The following ATP11B variants were observed in gnomAD, a reference collection of about 807,000 sequenced individuals.
The protein encoded by ATP11B is phospholipid-transporting ATPase IF.
In ATP11B, 81 loss-of-function variants were observed where a neutral mutation model predicts 157.8. The observed-to-expected ratio is 0.51, with a 90% confidence interval of 0.43 to 0.62. The LOEUF is 0.62. Among genes scored for constraint, ATP11B ranks in the 20% least tolerant of loss-of-function variants. The probability of loss-of-function intolerance (pLI) is 0.00; values close to 1 mark genes in which losing one functional copy is unlikely to be tolerated. For synonymous variants in ATP11B, 451 were observed against 469.4 expected (o/e 0.96, Z 0.51); for missense variants, 1,165 against 1,402.2 (o/e 0.83, Z 2.70).
At chr3:182,795,707 G>T (rs1298887877) in intron 1 of ATP11B, among the ~76,000 whole-genome samples, 2 of 152,202 alleles carry the variant, frequency 1.3e-5, no homozygotes, top group Non-Finnish European at 2.9e-5. Flanking sequence ...GGTTAAGTTT[G>T]TATGATCACA....
At chr3:182,901,895 A>C (rs1253761600) in intron 28 of ATP11B, among the ~76,000 whole-genome samples, 3 of 152,126 alleles carry the variant, frequency 2.0e-5, no homozygotes, top group Non-Finnish European at 4.4e-5. Context: ...CTATGTGTAA[A>C]AGCTAGTATA....
chr3:182,800,836 A>G (rs1576942878), intron 1 of ATP11B, among the ~76,000 whole-genome samples: 1 of 148,106 alleles, frequency 6.8e-6, no homozygotes, highest in East Asian at 2.0e-4. Context: ...GCTAGAGTGC[A>G]GTGGCGCGAT....
Position 182,918,124 on chromosome 3 carries a change from G to A in ATP11B, c.*20G>A, listed in dbSNP as rs369059517. On this transcript the variant is annotated 3_prime_UTR_variant, in exon 30 of 30. Coordinates refer to ENST00000323116, the MANE Select transcript of ATP11B (RefSeq NM_014616.3). Reference sequence around the variant, plus strand: ...TGTTAAAGGGGCAGTAGTACTTTGTGGGAGCCAGTTCACCTCCTTTCCTAA... The same window carrying A: ...TGTTAAAGGGGCAGTAGTACTTTGTAGGAGCCAGTTCACCTCCTTTCCTAA... 3.2e-5 allele frequency: 51 copies of A among 1,611,484 alleles called. No individual in the cohort carries two copies. Among genetic ancestry groups the A allele is most frequent in the Non-Finnish European group, 4.2e-5 (49 of 1,178,706 alleles).
chr3:182,870,081 GC>G (rs1721538595), intron 17 of ATP11B, among the ~76,000 whole-genome samples: 1 of 148,142 alleles, frequency 6.8e-6, no homozygotes, highest in African/African-American at 2.6e-5. Context: ...ATTAATGATT[GC>G]CAGGGGCTGG....
intron 1 of ATP11B, among the ~76,000 whole-genome samples, chr3:182,819,009 A>G (rs942150201): frequency 1.3e-5 from 2 of 150,888 alleles, no homozygotes; most frequent in Admixed American, 6.6e-5. Flanking sequence ...TCATTTGGAT[A>G]TTGCTTTCAG....
chr3:182,865,466 T>G lies in ATP11B; in HGVS notation c.1211T>G (p.Val404Gly). ...TTTCTATCTCTATAGGTAGAGTACG[T>G]GTTTACAGATAAAACTGGTACACTG... ...LNEELGQVEYVFTDKTGTLTE... is the reference protein window; with the variant it reads ...LNEELGQVEYGFTDKTGTLTE... Residue 404 changes from valine to glycine, a missense_variant, in exon 13 of 30, where the codon GTG becomes GGG. Around this residue, in one of 4 missense-constraint regions of ATP11B, gnomAD observed 737 missense variants for 930.5 expected, o/e 0.79. Coordinates refer to ENST00000323116, the MANE Select transcript of ATP11B (RefSeq NM_014616.3). 2 of 1,613,474 alleles carry G rather than the reference T, an allele frequency of 1.2e-6. No individual in the cohort carries two copies. The highest frequency in any genetic ancestry group is 1.7e-6 in the Non-Finnish European group (2 of 1,179,594).
At chr3:182,826,133 C>T (rs1046127890) in intron 2 of ATP11B, among the ~76,000 whole-genome samples, 8 of 152,258 alleles carry the variant, frequency 5.3e-5, no homozygotes, top group Admixed American at 5.2e-4. Flanking sequence ...AGAGTTCTCC[C>T]TCTCTATACA....
At chr3:182,890,983 C>T (rs1444075927) in intron 25 of ATP11B, among the ~76,000 whole-genome samples, 1 of 152,130 alleles carries the variant, frequency 6.6e-6, no homozygotes. Context: ...CACATGTATA[C>T]ATATGTAACA....
At chr3:182,844,996 T>A (rs1174163939) in intron 8 of ATP11B, among the ~76,000 whole-genome samples, 4 of 126,114 alleles carry the variant, frequency 3.2e-5, no homozygotes, top group African/African-American at 9.6e-5. Flanking sequence ...TTTTTTTTAT[T>A]TTTTTTTTTA....
chr3:182,817,393 G>A (rs2108495890), intron 1 of ATP11B, among the ~76,000 whole-genome samples: 1 of 152,064 alleles, frequency 6.6e-6, no homozygotes, highest in Admixed American at 6.5e-5. Flanking sequence ...CAGTTCCCCT[G>A]CCACAGCCTC....
At chr3:182,873,212 G>A (rs992281996) in intron 18 of ATP11B, among the ~76,000 whole-genome samples, 2 of 152,098 alleles carry the variant, frequency 1.3e-5, no homozygotes, top group African/African-American at 4.8e-5. Flanking sequence ...CTATCTCAAT[G>A]TCTGTTTCAC....
At chr3:182,884,659 C>T in intron 21 of ATP11B, 94 bp from the exon 22 acceptor site, 1 of 1,247,676 alleles carries the variant, frequency 8.0e-7, no homozygotes, top group African/African-American at 1.6e-5. Flanking sequence ...TTCCTAAGTG[C>T]ATGTTCAACT....
At position 182,833,396 on chromosome 3, in the gene ATP11B, G is replaced by A. The variant is rs547210131; in HGVS notation, c.316-2639G>A. On this transcript the variant is annotated intron_variant, in intron 4 of 29. Transcript: ENST00000323116. ...GCTGGAGAGCAGTAGTGCAATCAGAGTTCATTGCAGCCTTGACCTCCCAGG... is the reference window on the plus strand; with the variant it reads ...GCTGGAGAGCAGTAGTGCAATCAGAATTCATTGCAGCCTTGACCTCCCAGG... 8.5e-5 allele frequency among the ~76,000 whole-genome samples: 13 copies of A among 152,252 alleles called. No homozygotes were observed. In the South Asian group the frequency reaches 2.7e-3, roughly 32 times the overall value.
At chr3:182,806,508 T>C (rs773075026) in intron 1 of ATP11B, among the ~76,000 whole-genome samples, 7 of 152,176 alleles carry the variant, frequency 4.6e-5, no homozygotes, top group Non-Finnish European at 7.4e-5. Flanking sequence ...TAATTTGTTC[T>C]CTATGGCTCT....
chr3:182,841,000 A>G (rs576630508), intron 7 of ATP11B, among the ~76,000 whole-genome samples: 6 of 151,304 alleles, frequency 4.0e-5, no homozygotes, highest in Admixed American at 3.3e-4. Flanking sequence ...CCCATCCCCA[A>G]CCTTTCTTCT....
intron 1 of ATP11B, among the ~76,000 whole-genome samples, chr3:182,801,848 A>T (rs1423728343): frequency 1.3e-5 from 2 of 152,194 alleles, no homozygotes; most frequent in Non-Finnish European, 2.9e-5. Context: ...AGTTATATTA[A>T]TAATAAAAGG....
intron 10 of ATP11B, among the ~76,000 whole-genome samples, chr3:182,855,455 CTTAGTG>C (rs1720322004): frequency 6.6e-6 from 1 of 152,112 alleles, no homozygotes; most frequent in South Asian, 2.1e-4. Context: ...ATCTTCAGGA[CTTAGTG>C]TTAGACAAAG....
chr3:182,866,216 A>G, intron 13 of ATP11B, 52 bp from the exon 14 acceptor site: 1 of 1,368,552 alleles, frequency 7.3e-7, no homozygotes, highest in Non-Finnish European at 9.7e-7. Context: ...GGTTTCCTAA[A>G]TGGTATGTGG....
At chr3:182,796,018 C>CA (rs139752575) in intron 1 of ATP11B, among the ~76,000 whole-genome samples, 2,011 of 152,116 alleles carry the variant, frequency 0.013, 43 homozygotes, top group African/African-American at 0.047. Flanking sequence ...TAATGTCTCA[C>CA]AAAAAAGTCC....
Sources: gnomAD v4.1 joint callset for allele counts (sites outside exome capture counted in the v4.1 genomes callset) on GRCh38, gnomAD v4.1.1 for gene constraint, gnomAD v4.1.1 regional missense constraint, MANE v1.5 for transcripts, NCBI Gene and HGNC (gene_info 2026-07-23, HGNC 2026-07-21) for gene names.